Variants in COL24A1 observed in about 807,000 individuals in gnomAD.
The protein encoded by COL24A1 is collagen type XXIV alpha 1 chain, also known as collagen alpha-1(XXIV) chain.
A neutral mutation model predicts 253.9 loss-of-function variants in COL24A1; 224 were observed. That is an observed-to-expected ratio of 0.88 (90% CI 0.79 to 0.99). The LOEUF (loss-of-function observed/expected upper bound fraction) is 0.99, where lower values mean the gene tolerates loss of function less well. COL24A1 is among the 50% of genes least tolerant of loss of function. COL24A1 has a pLI of 0.00. For missense variants in COL24A1, 2,131 were observed against 2,068.5 expected, an observed-to-expected ratio of 1.03 and a Z score of -0.59; for synonymous variants, 685 against 673.7, an observed-to-expected ratio of 1.02 and a Z score of -0.26.
chr1:85,850,070 AAAT>A (rs1677588954), intron 37 of COL24A1, among the ~76,000 whole-genome samples: 1 of 152,154 alleles, frequency 6.6e-6, no homozygotes, highest in African/African-American at 2.4e-5. Flanking sequence ...TAAAACTTAA[AAAT>A]AATATTTTCA....
Position 85,844,697 on chromosome 1 carries a change from T to C in COL24A1, c.3463-2304A>G, listed in dbSNP as rs143894226. Among the ~76,000 whole-genome samples the C allele has an allele frequency of 8.7e-4, 133 of 152,054 alleles. 1 individual carries two copies. The highest frequency in any genetic ancestry group is 3.4e-3 in the Middle Eastern group (1 of 294). ...AAAAAAATTAATTATAAGAAAATAGTCATTTCAAGTTTCACTTACTAAATA... is the reference window on the plus strand; with the variant it reads ...AAAAAAATTAATTATAAGAAAATAGCCATTTCAAGTTTCACTTACTAAATA... On this transcript the variant is annotated intron_variant, in intron 39 of 59. Coordinates refer to ENST00000370571, the MANE Select transcript of COL24A1 (RefSeq NM_152890.7).
At chr1:85,822,839 A>G (rs953490977) in intron 45 of COL24A1, among the ~76,000 whole-genome samples, 3 of 152,062 alleles carry the variant, frequency 2.0e-5, no homozygotes, top group Non-Finnish European at 4.4e-5. Context: ...CTCATCCTCT[A>G]CCATCCCCCA....
intron 47 of COL24A1, among the ~76,000 whole-genome samples, chr1:85,805,651 A>G (rs1343176262): frequency 2.0e-5 from 3 of 152,240 alleles, no homozygotes; most frequent in Non-Finnish European, 4.4e-5. Context: ...AATAAGAAAT[A>G]TAATTATGCC....
chr1:86,121,640 G>A (rs1647372909), intron 3 of COL24A1, among the ~76,000 whole-genome samples: 4 of 151,990 alleles, frequency 2.6e-5, no homozygotes, highest in African/African-American at 9.7e-5. Context: ...GAAGGGATAG[G>A]AATATATAGA....
chr1:86,066,443 A>G (rs1383610677), intron 7 of COL24A1, among the ~76,000 whole-genome samples: 1 of 150,804 alleles, frequency 6.6e-6, no homozygotes, highest in African/African-American at 2.4e-5. Flanking sequence ...ATGGGGTTTC[A>G]CTGTGTTAGC....
intron 20 of COL24A1, 24 bp downstream of exon 20, chr1:85,987,577 T>C: frequency 6.3e-7 from 1 of 1,593,052 alleles, no homozygotes; most frequent in Non-Finnish European, 8.6e-7. Flanking sequence ...AATTGTTTAG[T>C]CTCTCTCTTC....
Position 86,126,159 on chromosome 1 carries a change from T to C in COL24A1, c.177A>G (p.Ser59=), listed in dbSNP as rs371005629. 2 of 1,606,600 alleles carry C rather than the reference T, an allele frequency of 1.2e-6. No individual in the cohort carries two copies. Among genetic ancestry groups the C allele is most frequent in the South Asian group, 1.1e-5 (1 of 90,960 alleles). ...ATGCTGATGGTACAGCAGTCGCTGG[T>C]GATGAGTGTCTTACGTCTTTGCCTC... is the stretch of plus-strand genomic sequence containing the variant. The part of the protein sequence containing the change: ...GLGGKDVRHS[S]PATAVPSAST... Residue 59 remains serine (S), a synonymous_variant, in exon 3 of 60, where the codon TCA becomes TCG. Coordinates refer to ENST00000370571, the MANE Select transcript of COL24A1 (RefSeq NM_152890.7).
intron 31 of COL24A1, among the ~76,000 whole-genome samples, chr1:85,894,546 A>AT (rs11325973): frequency 6.6e-6 from 1 of 151,210 alleles, no homozygotes; most frequent in Non-Finnish European, 1.5e-5. Flanking sequence ...TCTGGGTCTC[A>AT]TTTTTTTTTT....
At chr1:85,766,391 G>GAAAAAAAAAAAAAAAAAAAAAA (rs1667379547) in intron 53 of COL24A1, among the ~76,000 whole-genome samples, 2 of 37,002 alleles carry the variant, frequency 5.4e-5, no homozygotes, top group Non-Finnish European at 1.4e-4. Context: ...AAAAAAAAAA[G>GAAAAAAAAAAAAAAAAAAAAAA]AAAGAAAGAA....
chr1:85,893,299 A>C (rs1304019275), intron 31 of COL24A1, among the ~76,000 whole-genome samples: 1 of 73,602 alleles, frequency 1.4e-5, no homozygotes, highest in Non-Finnish European at 3.4e-5. Context: ...ATTTTTTAAC[A>C]AAAAAAGGAT....
chr1:85,837,599 G>C (rs1019680929), intron 43 of COL24A1, among the ~76,000 whole-genome samples: 1 of 152,120 alleles, frequency 6.6e-6, no homozygotes, highest in Non-Finnish European at 1.5e-5. Context: ...GGGGAGCTAA[G>C]ACACCTACAC....
intron 19 of COL24A1, among the ~76,000 whole-genome samples, chr1:85,995,703 C>T (rs1214032330): frequency 6.6e-6 from 1 of 152,070 alleles, no homozygotes; most frequent in Non-Finnish European, 1.5e-5. Context: ...GTCTGTGTCC[C>T]TATGTTGGAG....
intron 28 of COL24A1, among the ~76,000 whole-genome samples, chr1:85,897,331 T>C (rs1402202170): frequency 1.3e-5 from 2 of 151,824 alleles, no homozygotes; most frequent in Non-Finnish European, 1.5e-5. Flanking sequence ...GGATGATCTG[T>C]GCAGCAAACC....
intron 40 of COL24A1, 52 bp from the exon 41 acceptor site, chr1:85,842,173 T>C (rs767281301): frequency 3.2e-6 from 5 of 1,552,760 alleles, no homozygotes; most frequent in Admixed American, 3.4e-5. Flanking sequence ...ATATTAGATA[T>C]TGCATTATTC....
At chr1:86,141,507 G>A (rs1651069886) in intron 2 of COL24A1, among the ~76,000 whole-genome samples, 1 of 152,090 alleles carries the variant, frequency 6.6e-6, no homozygotes, top group Admixed American at 6.5e-5. Context: ...TTATATCACT[G>A]AACTCTAATA....
intron 20 of COL24A1, among the ~76,000 whole-genome samples, chr1:85,980,035 T>A (rs774705978): frequency 6.6e-6 from 1 of 152,102 alleles, no homozygotes; most frequent in Non-Finnish European, 1.5e-5. Context: ...GTTTAACATA[T>A]GCAAGTCAAT....
In COL24A1 at chr1:86,092,294, G is replaced by C. The variant is rs367701261; in HGVS notation, c.1626C>G (p.Ser542=). The part of the protein sequence containing the change: ...PKGPKGDPGF[S]PGQPVPGEKG... ...TTTCTCCAGGAACAGGTTGACCTGG[G>C]GAAAATCCTGGATCTCCTTTGGGGC... Residue 542 remains serine, a synonymous_variant, in exon 6 of 60, where the codon TCC becomes TCG. Transcript: ENST00000370571. 5 of 1,604,898 alleles carry C rather than the reference G, an allele frequency of 3.1e-6. No homozygotes were observed. In the Admixed American group the frequency reaches 8.4e-5, roughly 27 times the overall value.
At chr1:85,735,521 T>C (rs1663952465) in intron 58 of COL24A1, among the ~76,000 whole-genome samples, 1 of 152,156 alleles carries the variant, frequency 6.6e-6, no homozygotes, top group Non-Finnish European at 1.5e-5. Flanking sequence ...TTTGAGAGCC[T>C]TAACGGACTA....
intron 40 of COL24A1, 86 bp from the exon 41 acceptor site, chr1:85,842,207 G>A (rs1438077942): frequency 1.4e-6 from 2 of 1,431,720 alleles, no homozygotes; most frequent in Admixed American, 3.5e-5. Flanking sequence ...AGGATTCACT[G>A]TCTAGGAGGA....
Sources: allele counts gnomAD v4.1 joint callset (sites outside exome capture counted in the v4.1 genomes callset), GRCh38; gene constraint gnomAD v4.1.1; transcripts MANE v1.5; gene names NCBI Gene and HGNC (gene_info 2026-07-23, HGNC 2026-07-21).